PTPRD: variants seen among roughly 807,000 people sequenced by gnomAD.
PTPRD encodes protein tyrosine phosphatase receptor type D.
PTPRD carries 34 observed loss-of-function variants against 214.5 expected under a neutral mutation model. The observed-to-expected ratio is 0.16, with a 90% CI of 0.12 to 0.21. PTPRD has a LOEUF of 0.21. PTPRD is among the 10% of genes least tolerant of loss of function. The probability of loss-of-function intolerance (pLI) is 1.00; values close to 1 mark genes in which losing one functional copy is unlikely to be tolerated. For missense variants in PTPRD, 2,545 were observed against 2,398.7 expected (o/e 1.06, Z -1.27); for synonymous variants, 1,128 against 845.7 (o/e 1.33, Z -5.79).
chr9:8,801,511 G>A (rs972867443), intron 11 of PTPRD, among the ~76,000 whole-genome samples: 1 of 152,160 alleles, frequency 6.6e-6, no homozygotes, highest in Admixed American at 6.5e-5. Flanking sequence ...GAGGTTGGGA[G>A]TTTGAGACCA....
chr9:9,508,067 A>G (rs973071316), intron 8 of PTPRD, among the ~76,000 whole-genome samples: 1 of 151,634 alleles, frequency 6.6e-6, no homozygotes, highest in Non-Finnish European at 1.5e-5. Context: ...TATTTTAATA[A>G]TTTATAAGAA....
At chr9:10,107,535 G>T (rs2098646475) in intron 3 of PTPRD, among the ~76,000 whole-genome samples, 1 of 152,010 alleles carries the variant, frequency 6.6e-6, no homozygotes, top group Non-Finnish European at 1.5e-5. Context: ...CTGTTCTTAA[G>T]CAATCTCATC....
At chr9:9,028,465 C>T (rs999638899) in intron 10 of PTPRD, among the ~76,000 whole-genome samples, 1 of 151,918 alleles carries the variant, frequency 6.6e-6, no homozygotes, top group Non-Finnish European at 1.5e-5. Flanking sequence ...GAAAATAAAT[C>T]TTTACTAAAA....
intron 5 of PTPRD, among the ~76,000 whole-genome samples, chr9:9,771,981 G>A (rs549035950): frequency 6.6e-6 from 1 of 152,202 alleles, no homozygotes; most frequent in Admixed American, 6.5e-5. Flanking sequence ...GAAGAAACTA[G>A]AAATTTCAAC....
chr9:10,163,963 T>C (rs935604107), intron 3 of PTPRD, among the ~76,000 whole-genome samples: 3 of 151,510 alleles, frequency 2.0e-5, no homozygotes, highest in South Asian at 2.1e-4. Context: ...TAAATGTGTA[T>C]TGTAGTCTAT....
intron 7 of PTPRD, among the ~76,000 whole-genome samples, chr9:9,595,301 T>C (rs954506279): frequency 3.8e-5 from 3 of 78,574 alleles, no homozygotes; most frequent in Admixed American, 1.2e-4. Flanking sequence ...TATATATATA[T>C]ATATATATAT....
At chr9:9,524,157 A>C (rs1014965004) in intron 8 of PTPRD, among the ~76,000 whole-genome samples, 7 of 152,270 alleles carry the variant, frequency 4.6e-5, no homozygotes, top group Non-Finnish European at 1.0e-4. Flanking sequence ...AGTACCCCTG[A>C]GAGACAGAGA....
intron 4 of PTPRD, among the ~76,000 whole-genome samples, chr9:9,946,693 T>A (rs1411101541): frequency 6.6e-6 from 1 of 152,076 alleles, no homozygotes; most frequent in Non-Finnish European, 1.5e-5. Context: ...GAGGAAAAAC[T>A]GGGAACTATC....
chr9:8,967,635 CTT>C (rs2099206130), intron 11 of PTPRD, among the ~76,000 whole-genome samples: 1 of 151,978 alleles, frequency 6.6e-6, no homozygotes, highest in African/African-American at 2.4e-5. Context: ...TAATGAGTCA[CTT>C]AGTATATGGT....
intron 11 of PTPRD, among the ~76,000 whole-genome samples, chr9:8,966,443 A>C (rs548502497): frequency 1.8e-4 from 28 of 152,074 alleles, no homozygotes; most frequent in Admixed American, 1.2e-3. Context: ...AACAAAAAAC[A>C]GAAATAAAGT....
intron 7 of PTPRD, among the ~76,000 whole-genome samples, chr9:9,698,259 T>C (rs1046167068): frequency 6.6e-6 from 1 of 152,200 alleles, no homozygotes; most frequent in African/African-American, 2.4e-5. Context: ...CAGTCTTCTC[T>C]TTCTGGGTTG....
intron 11 of PTPRD, among the ~76,000 whole-genome samples, chr9:8,757,293 A>C (rs1244600809): frequency 2.0e-5 from 3 of 152,242 alleles, no homozygotes. Flanking sequence ...GTGAACAATT[A>C]GAAAAGCACG....
intron 23 of PTPRD, among the ~76,000 whole-genome samples, chr9:8,501,495 T>C (rs1297077856): frequency 3.9e-5 from 6 of 152,192 alleles, no homozygotes; most frequent in Non-Finnish European, 5.9e-5. Context: ...CTTTCACTTC[T>C]ATATTCTAGA....
intron 9 of PTPRD, among the ~76,000 whole-genome samples, chr9:9,351,622 T>C (rs2051192290): frequency 6.6e-6 from 1 of 151,974 alleles, no homozygotes; most frequent in Non-Finnish European, 1.5e-5. Context: ...CCAAGAAGCC[T>C]TGGAAAGATA....
chr9:9,233,709 A>C (rs1293740232), intron 9 of PTPRD, among the ~76,000 whole-genome samples: 1 of 152,246 alleles, frequency 6.6e-6, no homozygotes, highest in African/African-American at 2.4e-5. Flanking sequence ...AAAAGGGGCT[A>C]TAGGCCCCAT....
At chr9:8,966,691 G>A (rs984517713) in intron 11 of PTPRD, among the ~76,000 whole-genome samples, 27 of 152,054 alleles carry the variant, frequency 1.8e-4, no homozygotes, top group African/African-American at 6.0e-4. Flanking sequence ...CTCAACATCA[G>A]CCTTGGAAAA....
rs1176394314 is a variant in PTPRD at position 9,580,547 on chromosome 9, C to CTTTTTTTTTTTTTTT, written c.-286-5781_-286-5767dup. On this transcript the variant is annotated intron_variant, in intron 7 of 45. Transcript: ENST00000381196. ...TCATGTCCTTAGCTTACTTTATTTT[C>CTTTTTTTTTTTTTTT]TTTTTTTTTTTTTTTTTTTGAGACA... Among the ~76,000 whole-genome samples the CTTTTTTTTTTTTTTT allele has an allele frequency of 2.4e-5, 3 of 123,072 alleles. 1 individual carries two copies. Among genetic ancestry groups the CTTTTTTTTTTTTTTT allele is most frequent in the African/African-American group, 6.2e-5 (2 of 32,180 alleles). 80.7% of individuals were successfully genotyped at this position (123,072 alleles called of 152,430 possible). A position where few individuals can be genotyped will look rare whatever the true frequency, so the allele number is the denominator to read the frequency against.
At chr9:9,529,561 C>A (rs2075003555) in intron 8 of PTPRD, among the ~76,000 whole-genome samples, 1 of 151,890 alleles carries the variant, frequency 6.6e-6, no homozygotes, top group Non-Finnish European at 1.5e-5. Flanking sequence ...AAATGCAAAA[C>A]AAAACCACAG....
chr9:10,099,294 A>T (rs912119886), intron 3 of PTPRD, among the ~76,000 whole-genome samples: 1 of 151,678 alleles, frequency 6.6e-6, no homozygotes, highest in Non-Finnish European at 1.5e-5. Context: ...TCTATGATTC[A>T]GTTTTTTTCA....
Sources: allele counts gnomAD v4.1 joint callset (sites outside exome capture counted in the v4.1 genomes callset), GRCh38; gene constraint gnomAD v4.1.1; transcripts MANE v1.5; gene names NCBI Gene and HGNC (gene_info 2026-07-23, HGNC 2026-07-21).